The following INPP4B variants were observed in gnomAD, a reference collection of about 807,000 sequenced individuals.
The protein encoded by INPP4B is inositol polyphosphate 4-phosphatase type II.
In INPP4B, 55 loss-of-function variants were observed where a neutral mutation model predicts 122.5. The ratio of observed to expected loss-of-function variants is 0.45; its 90% confidence interval spans 0.36 to 0.56. The LOEUF (loss-of-function observed/expected upper bound fraction) is 0.56. INPP4B is among the 20% of genes least tolerant of loss of function. INPP4B has a pLI of 0.00. For missense variants in INPP4B, 1,000 were observed against 1,097.7 expected (o/e 0.91, Z 1.26); for synonymous variants, 403 against 388.7 (o/e 1.04, Z -0.43).
At chr4:142,590,279 C>T (rs890194807) in intron 2 of INPP4B, among the ~76,000 whole-genome samples, 4 of 152,130 alleles carry the variant, frequency 2.6e-5, no homozygotes, top group Non-Finnish European at 4.4e-5. Context: ...GTTATAAAAT[C>T]AATTAGGAGA....
chr4:142,068,818 C>G lies in INPP4B; in HGVS notation c.2642+13213G>C, dbSNP rs187932314. On this transcript the variant is annotated intron_variant, in intron 25 of 25. Transcript: ENST00000262992. ...ATATATGCACCCAATACAGGAGCAC[C>G]CTGATTCATAAAGCAAGTCCTTTGA... 2.3e-3 allele frequency among the ~76,000 whole-genome samples: 351 copies of G among 152,236 alleles called. 4 individuals are homozygous for G. The highest frequency in any genetic ancestry group is 5.3e-4 in the Non-Finnish European group (36 of 68,022).
At chr4:142,104,963 G>T (rs968866959) in intron 23 of INPP4B, among the ~76,000 whole-genome samples, 1 of 151,762 alleles carries the variant, frequency 6.6e-6, no homozygotes, top group African/African-American at 2.4e-5. Context: ...TGCCAACACA[G>T]AACACACATA....
At chr4:142,194,981 A>T (rs778725045) in intron 14 of INPP4B, among the ~76,000 whole-genome samples, 5 of 152,256 alleles carry the variant, frequency 3.3e-5, no homozygotes, top group Middle Eastern at 3.2e-3. Flanking sequence ...GAATGGAATG[A>T]GTTCCCATGT....
intron 2 of INPP4B, among the ~76,000 whole-genome samples, chr4:142,639,264 A>C (rs1749851621): frequency 6.6e-6 from 1 of 152,146 alleles, no homozygotes; most frequent in Non-Finnish European, 1.5e-5. Context: ...TATTCAGGTA[A>C]TTCTGACCTA....
intron 2 of INPP4B, among the ~76,000 whole-genome samples, chr4:142,468,983 T>C (rs968933972): frequency 6.6e-6 from 1 of 152,170 alleles, no homozygotes; most frequent in African/African-American, 2.4e-5. Flanking sequence ...TTAAACTATT[T>C]TTAAGATAAA....
intron 1 of INPP4B, among the ~76,000 whole-genome samples, chr4:142,771,008 T>C (rs1772974352): frequency 1.3e-5 from 2 of 152,096 alleles, no homozygotes; most frequent in Non-Finnish European, 2.9e-5. Context: ...AAAGTGCGGG[T>C]AACAAATGCA....
chr4:142,378,830 T>A (rs939559699), intron 7 of INPP4B, among the ~76,000 whole-genome samples: 1 of 152,048 alleles, frequency 6.6e-6, no homozygotes, highest in Non-Finnish European at 1.5e-5. Context: ...ATGTCCAGAG[T>A]TTCCAACATG....
chr4:142,123,466 T>A (rs753436758), intron 19 of INPP4B, 51 bp from the exon 20 acceptor site: 1 of 1,578,954 alleles, frequency 6.3e-7, no homozygotes. Context: ...ACGTATTTGT[T>A]TTATTTTGAA....
intron 2 of INPP4B, among the ~76,000 whole-genome samples, chr4:142,713,270 A>T (rs946765714): frequency 6.6e-6 from 1 of 152,226 alleles, no homozygotes; most frequent in Non-Finnish European, 1.5e-5. Context: ...AACTAAGTTC[A>T]AGATGTCTCT....
At chr4:142,708,702 T>A (rs1173228112) in intron 2 of INPP4B, among the ~76,000 whole-genome samples, 1 of 152,116 alleles carries the variant, frequency 6.6e-6, no homozygotes, top group East Asian at 1.9e-4. Context: ...AACACCTGAA[T>A]GTCCAGGCAG....
chr4:142,120,126 G>GTT (rs1795951883), intron 21 of INPP4B, among the ~76,000 whole-genome samples: 1 of 151,738 alleles, frequency 6.6e-6, no homozygotes, highest in African/African-American at 2.4e-5. Context: ...AATTACCTTG[G>GTT]CAGCTTTGTT....
intron 7 of INPP4B, among the ~76,000 whole-genome samples, chr4:142,396,961 C>G (rs1799570388): frequency 6.6e-6 from 1 of 152,090 alleles, no homozygotes; most frequent in Non-Finnish European, 1.5e-5. Context: ...AAGAAGGGAA[C>G]TTTCTAGAAA....
intron 14 of INPP4B, among the ~76,000 whole-genome samples, chr4:142,205,476 C>A (rs905032528): frequency 6.6e-6 from 1 of 152,076 alleles, no homozygotes; most frequent in African/African-American, 2.4e-5. Flanking sequence ...TTCAAGACTT[C>A]GTTGATTTTT....
chr4:142,610,079 C>T (rs915056320), intron 2 of INPP4B, among the ~76,000 whole-genome samples: 1 of 152,058 alleles, frequency 6.6e-6, no homozygotes, highest in Non-Finnish European at 1.5e-5. Flanking sequence ...CCAAATCTCA[C>T]CTTGAATTGC....
chr4:142,239,044 G>A (rs537448592), intron 11 of INPP4B, among the ~76,000 whole-genome samples: 1 of 152,234 alleles, frequency 6.6e-6, no homozygotes, highest in East Asian at 1.9e-4. Context: ...ATGTCGGCTA[G>A]ATCTTCTCAA....
chr4:142,818,712 T>C (rs1780437076), intron 1 of INPP4B, among the ~76,000 whole-genome samples: 1 of 152,130 alleles, frequency 6.6e-6, no homozygotes, highest in Admixed American at 6.6e-5. Context: ...GCCTGCTGCT[T>C]ACAACTCTCT....
intron 17 of INPP4B, among the ~76,000 whole-genome samples, chr4:142,149,497 C>T (rs1433586930): frequency 6.6e-6 from 1 of 152,052 alleles, no homozygotes; most frequent in Admixed American, 6.5e-5. Context: ...CTTGATTCTT[C>T]CACTGTGATT....
intron 21 of INPP4B, among the ~76,000 whole-genome samples, chr4:142,117,839 G>C (rs911274472): frequency 2.0e-5 from 3 of 152,148 alleles, no homozygotes; most frequent in Non-Finnish European, 4.4e-5. Flanking sequence ...ATTAGGAAAA[G>C]AGGAAGTCAA....
At chr4:142,199,384 G>A (rs1293118401) in intron 14 of INPP4B, among the ~76,000 whole-genome samples, 1 of 151,696 alleles carries the variant, frequency 6.6e-6, no homozygotes, top group Non-Finnish European at 1.5e-5. Flanking sequence ...ACACATCTCA[G>A]GAATATGTGT....
Sources: gnomAD v4.1 joint callset for allele counts (sites outside exome capture counted in the v4.1 genomes callset) on GRCh38, gnomAD v4.1.1 for gene constraint, MANE v1.5 for transcripts, NCBI Gene and HGNC (gene_info 2026-07-23, HGNC 2026-07-21) for gene names.